ZNF230: variants seen among roughly 807,000 people sequenced by gnomAD.
ZNF230 encodes zinc finger protein 230.
Under a neutral mutation model 10.0 loss-of-function variants are expected in ZNF230, and 12 were observed. The observed-to-expected ratio is 1.20, with a 90% CI of 0.77 to 1.95. ZNF230 has a LOEUF of 1.95. Among genes scored for constraint, ZNF230 ranks in the 30% most tolerant of loss-of-function variants. The pLI is 0.00. For missense variants in ZNF230, 532 were observed against 565.8 expected (o/e 0.94, Z 0.61); for synonymous variants, 174 against 193.6 (o/e 0.90, Z 0.84).
At chr19:44,009,383 GTCA>G (rs1333016637) in intron 4 of ZNF230, 10 of 602,202 alleles carry the variant, frequency 1.7e-5, no homozygotes, top group Non-Finnish European at 2.9e-5. Flanking sequence ...GGAAATGCAA[GTCA>G]GTTTTCCACT....
chr19:44,013,123 A>C lies in ZNF230; in HGVS notation c.*1659A>C, dbSNP rs551974638. On this transcript the variant is annotated 3_prime_UTR_variant, in exon 5 of 5. Coordinates refer to ENST00000429154, the MANE Select transcript of ZNF230 (RefSeq NM_006300.4). ...TAGTTACGTTGGAAAAAACTTCCTT[A>C]GTTCTGAATTCTCATGATTGCTTCT... 6.6e-6 allele frequency: 1 copy of C among 152,340 alleles called. No individual in the cohort carries two copies. The highest frequency in any genetic ancestry group is 2.1e-4 in the South Asian group (1 of 4,834). The allele number at this position is 152,340 out of a possible 1,614,324, so 9.4% of individuals were successfully genotyped here.
intron 4 of ZNF230, 74 bp from the exon 5 acceptor site, chr19:44,010,195 C>T: frequency 1.5e-6 from 2 of 1,366,190 alleles, no homozygotes; most frequent in Non-Finnish European, 2.0e-6. Flanking sequence ...AATGCCATAT[C>T]CTAAGTGTGA....
In ZNF230 at chr19:44,010,666, A is replaced by C; in HGVS notation, c.627A>C (p.Ser209=). ...DMRGKEFSQS[S]CLQTRERVHT... ...GTGGTAAGGAATTCAGTCAGAGCTCATGTCTGCAAACTCGTGAGAGAGTCC... is the reference window on the plus strand; with the variant it reads ...GTGGTAAGGAATTCAGTCAGAGCTCCTGTCTGCAAACTCGTGAGAGAGTCC... The change falls in exon 5 of 5, where the codon TCA becomes TCC. Residue 209 remains serine (S), a synonymous_variant. Transcript: ENST00000429154. 6.2e-7 allele frequency: 1 copy of C among 1,614,264 alleles called. No homozygotes were observed.
intron 2 of ZNF230, among the ~76,000 whole-genome samples, 168 bp downstream of exon 2, chr19:44,007,261 G>C (rs555458997): frequency 2.6e-5 from 4 of 152,198 alleles, no homozygotes; most frequent in East Asian, 3.9e-4. Context: ...TTTGGTTTTT[G>C]GTTTGGGTTT....
rs1466165282 is a variant in ZNF230 at position 44,010,696 on chromosome 19, T to C, written c.657T>C (p.Thr219=). ...TGCAAACTCGTGAGAGAGTCCACAC[T>C]GGAGAGAAACCATTCAAATGTGAGC... ...SCLQTRERVH[T]GEKPFKCEQC... is the part of the protein sequence containing the mutation. Residue 219 remains threonine (T), a synonymous_variant, in exon 5 of 5, where the codon ACT becomes ACC. Coordinates refer to ENST00000429154, the MANE Select transcript of ZNF230 (RefSeq NM_006300.4). 1 of 1,614,096 alleles carries C rather than the reference T, an allele frequency of 6.2e-7. No individual in the cohort carries two copies. The highest frequency in any genetic ancestry group is 1.3e-5 in the African/African-American group (1 of 74,936).
chr19:44,004,745 A>AG (rs1976106995), intron 1 of ZNF230: 1 of 150,512 alleles, frequency 6.6e-6, no homozygotes, highest in Non-Finnish European at 1.5e-5. Flanking sequence ...AAAAAAAAAA[A>AG]GAATAAACTA....
chr19:44,011,304 G>A lies in ZNF230; in HGVS notation c.1265G>A (p.Cys422Tyr). 3 of 1,614,146 alleles carry A rather than the reference G, an allele frequency of 1.9e-6. No individual in the cohort carries two copies. Among genetic ancestry groups the A allele is most frequent in the East Asian group, 2.2e-5 (1 of 44,878 alleles). Reference protein sequence around the residue: ...KLHCRKKPFKCEDCGKRLVHR... With the variant: ...KLHCRKKPFKYEDCGKRLVHR... The stretch of plus-strand genomic sequence containing the variant: ...CACTGCCGGAAAAAACCCTTCAAAT[G>A]TGAGGATTGTGGAAAGAGGCTTGTA... Residue 422 changes from cysteine (C) to tyrosine (Y), a missense_variant, in exon 5 of 5, where the codon TGT becomes TAT. Physicochemically the swap from Cys to Tyr is radical, Grantham distance 194. Transcript: ENST00000429154.
rs1483956430 is a variant in ZNF230 at position 44,011,542 on chromosome 19, GTGTATTACCTTAAACAATT to G, written c.*79_*97del. On this transcript the variant is annotated 3_prime_UTR_variant, in exon 5 of 5. Transcript: ENST00000429154. ...CGTAATGATCAAATTGATGTAATTA[GTGTATTACCTTAAACAATT>G]AACATTTCTTTGTTTTGGGAAAATT... The G allele has an allele frequency of 2.3e-6, 3 of 1,332,646 alleles. No homozygotes were observed. In the African/African-American group the frequency reaches 4.5e-5, roughly 20 times the overall value. 82.6% of individuals were successfully genotyped at this position (1,332,646 alleles called of 1,614,324 possible). A position where few individuals can be genotyped will look rare whatever the true frequency, so the allele number is the denominator to read the frequency against.
Position 44,012,059 on chromosome 19 carries a change from C to T in ZNF230, c.*595C>T. 2.2e-5 allele frequency: 4 copies of T among 182,128 alleles called. No individual in the cohort carries two copies. The highest frequency in any genetic ancestry group is 2.1e-4 in the South Asian group (2 of 9,598). The allele number at this position is 182,128 out of a possible 1,614,324, so 11.3% of individuals were successfully genotyped here. On this transcript the variant is annotated 3_prime_UTR_variant, in exon 5 of 5. Transcript: ENST00000429154. ...AACATGGTAGTGTAGATATCTGATC[C>T]ACATACTGATTTCCTTTGCTTTGGA...
At chr19:44,007,227 T>A in intron 2 of ZNF230, 134 bp downstream of exon 2, 1 of 776,492 alleles carries the variant, frequency 1.3e-6, no homozygotes, top group Non-Finnish European at 1.9e-6. Context: ...TTGCTTCCTT[T>A]GTCTCTTTTG....
chr19:44,013,873 C>T lies in ZNF230; in HGVS notation c.*2409C>T, dbSNP rs1451208041. The T allele has an allele frequency of 6.6e-6, 1 of 152,126 alleles. No individual in the cohort carries two copies. The highest frequency in any genetic ancestry group is 6.5e-5 in the Admixed American group (1 of 15,278). 9.4% of individuals were successfully genotyped at this position (152,126 alleles called of 1,614,324 possible). On this transcript the variant is annotated 3_prime_UTR_variant, in exon 5 of 5. Transcript: ENST00000429154. ...AATTTGCAAACTTATTAACGTTAAT[C>T]ACTTACCTACCAGGACTCAGAATCT...
At position 44,011,198 on chromosome 19, in the gene ZNF230, A is replaced by AC; in HGVS notation, c.1160dup (p.Gly388TrpfsTer6). ...TCTTAACTTGCACCAGAGGGTCCAT[A>AC]CTGGAGAGAGACCTTATAATTGTAA... On this transcript the variant is annotated frameshift_variant, in exon 5 of 5. Coordinates refer to ENST00000429154, the MANE Select transcript of ZNF230 (RefSeq NM_006300.4). LOFTEE classifies it low-confidence loss of function (END_TRUNC). 7 of 1,614,112 alleles carry AC rather than the reference A, an allele frequency of 4.3e-6. No individual in the cohort carries two copies. Among genetic ancestry groups the AC allele is most frequent in the Non-Finnish European group, 5.9e-6 (7 of 1,179,978 alleles).
At position 44,007,061 on chromosome 19, in the gene ZNF230, C is replaced by T. The variant is rs770404824; in HGVS notation, c.-18C>T. On this transcript the variant is annotated 5_prime_UTR_variant, in exon 2 of 5. Coordinates refer to ENST00000429154, the MANE Select transcript of ZNF230 (RefSeq NM_006300.4). ...CCATTACTCAAGACACTGAAGACTCCAAAAAGTAGTAGGAAAAATGACCAC... is the reference window on the plus strand; with the variant it reads ...CCATTACTCAAGACACTGAAGACTCTAAAAAGTAGTAGGAAAAATGACCAC... 3 of 1,603,516 alleles carry T rather than the reference C, an allele frequency of 1.9e-6. No homozygotes were observed. The highest frequency in any genetic ancestry group is 2.6e-6 in the Non-Finnish European group (3 of 1,171,134).
rs1976167921 is a variant in ZNF230, at chr19:44,010,501, C to A, written c.462C>A (p.Ile154=). The change falls in exon 5 of 5, where the codon ATC becomes ATA. Residue 154 remains isoleucine (I), a synonymous_variant. Transcript: ENST00000429154. ...KCKQSFSDVA[I]FDPPQQFHSG... ...AACAGTCCTTCAGTGATGTTGCCAT[C>A]TTTGATCCTCCTCAGCAGTTCCACT... The A allele has an allele frequency of 6.2e-7, 1 of 1,614,242 alleles. No individual in the cohort carries two copies. The highest frequency in any genetic ancestry group is 1.3e-5 in the African/African-American group (1 of 75,074).
In ZNF230 at chr19:44,011,140, G is replaced by C. The variant is rs1166354554; in HGVS notation, c.1101G>C (p.Glu367Asp). Residue 367 changes from glutamate (E) to aspartate (D), a missense_variant, in exon 5 of 5, where the codon GAG becomes GAC. By Grantham distance (45) the Glu-to-Asp change is conservative. Transcript: ENST00000429154. ...IHSGEKPYRCEECGKGYISKS... is the reference protein window; with the variant it reads ...IHSGEKPYRCDECGKGYISKS... The stretch of plus-strand genomic sequence containing the variant: ...GTGGAGAAAAACCATACAGATGTGA[G>C]GAGTGTGGGAAGGGCTACATTAGTA... 2 of 1,614,238 alleles carry C rather than the reference G, an allele frequency of 1.2e-6. No homozygotes were observed. The highest frequency in any genetic ancestry group is 1.7e-6 in the Non-Finnish European group (2 of 1,180,040).
Position 44,011,337 on chromosome 19 carries a change from CT to C in ZNF230, c.1301del (p.Phe434SerfsTer28). 1 of 1,614,018 alleles carries C rather than the reference CT, an allele frequency of 6.2e-7. No homozygotes were observed. Among genetic ancestry groups the C allele is most frequent in the Non-Finnish European group, 8.5e-7 (1 of 1,179,940 alleles). ...TGTGGAAAGAGGCTTGTACACCGGT[CT>C]TTCTGTAAAGACCAACAAGGAGACC... ...EDCGKRLVHR[S>X]FCKDQQGDHN... is the part of the protein sequence containing the mutation. On this transcript the variant is annotated frameshift_variant, in exon 5 of 5. Coordinates refer to ENST00000429154, the MANE Select transcript of ZNF230 (RefSeq NM_006300.4). LOFTEE classifies it low-confidence loss of function (END_TRUNC).
rs373581518 is a variant in ZNF230 at position 44,009,074 on chromosome 19, A to G, written c.143-10A>G. On this transcript the variant is annotated splice_polypyrimidine_tract_variant and intron_variant, in intron 3 of 4. Coordinates refer to ENST00000429154, the MANE Select transcript of ZNF230 (RefSeq NM_006300.4). The stretch of plus-strand genomic sequence containing the variant: ...ATTGGTATTAAGCACATGACTTTGC[A>G]TGTTCACAGGGCATCAACCATTCCA... 4.8e-5 allele frequency: 78 copies of G among 1,613,682 alleles called. No individual in the cohort carries two copies. Among genetic ancestry groups the G allele is most frequent in the Admixed American group, 1.7e-4 (10 of 59,920 alleles).
At chr19:44,007,242 G>T (rs1976132269) in intron 2 of ZNF230, 149 bp downstream of exon 2, 3 of 667,658 alleles carry the variant, frequency 4.5e-6, no homozygotes, top group Non-Finnish European at 7.0e-6. Flanking sequence ...CTTTTGTGTT[G>T]ACTTTGCATT....
intron 3 of ZNF230, 21 bp downstream of exon 3, chr19:44,008,937 T>C (rs1976146723): frequency 6.2e-7 from 1 of 1,612,758 alleles, no homozygotes; most frequent in South Asian, 1.1e-5. Flanking sequence ...GCACCCTCTG[T>C]AATGGTACAT....
Sources: allele counts gnomAD v4.1 joint callset (sites outside exome capture counted in the v4.1 genomes callset), GRCh38; gene constraint gnomAD v4.1.1; transcripts MANE v1.5; gene names NCBI Gene and HGNC (gene_info 2026-07-23, HGNC 2026-07-21).